DPH6: variants seen among roughly 807,000 people sequenced by gnomAD.
DPH6 encodes the protein diphthamine biosynthesis 6, also known as diphthine--ammonia ligase.
A neutral mutation model predicts 38.2 loss-of-function variants in DPH6; 33 were observed. The ratio of observed to expected loss-of-function variants is 0.86; its 90% CI spans 0.65 to 1.15. The LOEUF (loss-of-function observed/expected upper bound fraction) is 1.15. Among genes scored for constraint, DPH6 ranks in the 50% most tolerant of loss-of-function variants. The pLI is 0.00. For missense variants in DPH6, 325 were observed against 320.0 expected (o/e 1.02, Z -0.12); for synonymous variants, 108 against 103.0 (o/e 1.05, Z -0.30).
At chr15:35,193,392 TTAA>T in the DPH6 span, among the ~76,000 whole-genome samples, 1,451 of 152,128 alleles carry the variant, frequency 9.5e-3, 8 homozygotes, top group African/African-American at 0.021. Context: ...TTTCGATAAA[TTAA>T]TAATATGTAG....
chr15:35,543,347 T>C (rs987443126), intron 1 of DPH6, among the ~76,000 whole-genome samples: 6 of 147,324 alleles, frequency 4.1e-5, no homozygotes, highest in Admixed American at 3.4e-4. Context: ...TAGTAACACA[T>C]TGAAAGGAAC....
chr15:35,263,866 C>T (rs1190793474), intron 3 of DPH6, among the ~76,000 whole-genome samples: 1 of 152,010 alleles, frequency 6.6e-6, no homozygotes, highest in Non-Finnish European at 1.5e-5. Flanking sequence ...CGCCCACCAC[C>T]ACGCCTGGCT....
At chr15:35,193,362 T>G in the DPH6 span, among the ~76,000 whole-genome samples, 1 of 152,108 alleles carries the variant, frequency 6.6e-6, no homozygotes, top group East Asian at 1.9e-4. Context: ...ACATCCAAAC[T>G]TAAAGATGAA....
At chr15:35,172,818 A>G in the DPH6 span, among the ~76,000 whole-genome samples, 1 of 152,104 alleles carries the variant, frequency 6.6e-6, no homozygotes, top group Admixed American at 6.6e-5. Context: ...CAGCCTCCCA[A>G]GTAGTTGGGT....
At chr15:35,290,172 G>T (rs1010169426) in intron 3 of DPH6, among the ~76,000 whole-genome samples, 7 of 152,270 alleles carry the variant, frequency 4.6e-5, no homozygotes, top group Non-Finnish European at 1.0e-4. Flanking sequence ...TTGCATAATT[G>T]GTTTAATGTT....
At chr15:35,188,874 C>CA in the DPH6 span, among the ~76,000 whole-genome samples, 10,451 of 139,242 alleles carry the variant, frequency 0.075, 520 homozygotes, top group East Asian at 0.31. Flanking sequence ...TAGAGTGCCT[C>CA]AAAAAAAAAA....
At chr15:35,221,904 T>C (rs1352338415) in intron 3 of DPH6, among the ~76,000 whole-genome samples, 1 of 152,210 alleles carries the variant, frequency 6.6e-6, no homozygotes, top group African/African-American at 2.4e-5. Flanking sequence ...ACCCTCAATA[T>C]TTTGCTTAGA....
At chr15:35,389,091 G>A (rs553093339) in intron 6 of DPH6, among the ~76,000 whole-genome samples, 30 of 152,188 alleles carry the variant, frequency 2.0e-4, no homozygotes, top group Admixed American at 1.6e-3. Context: ...CCTTCATTTC[G>A]TTATGTACCC....
At chr15:35,230,802 T>C (rs1019259189) in intron 3 of DPH6, among the ~76,000 whole-genome samples, 1 of 152,164 alleles carries the variant, frequency 6.6e-6, no homozygotes, top group African/African-American at 2.4e-5. Flanking sequence ...AGAAATGTCC[T>C]GAAGCTAGGG....
At position 35,267,101 on chromosome 15, in the gene DPH6, T is replaced by C. The variant is rs1027488920; in HGVS notation, n.201-46519A>G. Among the ~76,000 whole-genome samples the C allele has an allele frequency of 5.9e-5, 9 of 151,924 alleles. No individual in the cohort carries two copies. In the South Asian group the frequency reaches 1.9e-3, roughly 32 times the overall value. Reference sequence around the variant, plus strand: ...AGGATAGGATAAATAAAATATATAATCCAAGAAGTGGAAATGTGCATGGAC... The same window carrying C: ...AGGATAGGATAAATAAAATATATAACCCAAGAAGTGGAAATGTGCATGGAC... On this transcript the variant is annotated intron_variant and non_coding_transcript_variant, in intron 3 of 3. Transcript: ENST00000560386.
intron 7 of DPH6, among the ~76,000 whole-genome samples, chr15:35,381,081 T>C (rs1278832690): frequency 1.3e-5 from 2 of 152,186 alleles, no homozygotes; most frequent in African/African-American, 2.4e-5. Flanking sequence ...ATTATTAATA[T>C]GCACAAAGAG....
At chr15:35,276,598 G>A (rs1166663859) in intron 3 of DPH6, among the ~76,000 whole-genome samples, 2 of 152,124 alleles carry the variant, frequency 1.3e-5, no homozygotes, top group African/African-American at 4.8e-5. Flanking sequence ...TCCATATTGT[G>A]TTGATTTTTG....
chr15:35,431,886 C>G (rs1279684229), intron 5 of DPH6, among the ~76,000 whole-genome samples: 1 of 152,088 alleles, frequency 6.6e-6, no homozygotes, highest in African/African-American at 2.4e-5. Flanking sequence ...ATCCCAGGTT[C>G]ACACCATTCT....
At chr15:35,316,263 A>C (rs1276989718) in intron 3 of DPH6, among the ~76,000 whole-genome samples, 1 of 152,204 alleles carries the variant, frequency 6.6e-6, no homozygotes, top group East Asian at 1.9e-4. Flanking sequence ...TGATCTCTAC[A>C]AATTATATGA....
At chr15:35,376,492 T>TTGTA (rs1347275021) in intron 7 of DPH6, among the ~76,000 whole-genome samples, 4 of 152,236 alleles carry the variant, frequency 2.6e-5, no homozygotes, top group African/African-American at 9.6e-5. Context: ...TGTCATAATG[T>TTGTA]TGTAGCACAA....
At chr15:35,521,573 AAATGT>A in intron 3 of DPH6, 1 of 1,226,968 alleles carries the variant, frequency 8.2e-7, no homozygotes, top group Non-Finnish European at 1.0e-6. Flanking sequence ...AACTGTGAGA[AAATGT>A]ATTTGCAATA....
At chr15:35,231,824 G>A (rs1382627186) in intron 3 of DPH6, among the ~76,000 whole-genome samples, 1 of 152,156 alleles carries the variant, frequency 6.6e-6, no homozygotes, top group East Asian at 1.9e-4. Flanking sequence ...GAGGGAGCAA[G>A]AGTGAGGGGA....
chr15:35,499,300 AAGG>A (rs1270405813), intron 3 of DPH6, among the ~76,000 whole-genome samples: 3 of 152,154 alleles, frequency 2.0e-5, no homozygotes, highest in Admixed American at 1.3e-4. Context: ...GAACTTCAGA[AAGG>A]AGGGATTCTT....
At chr15:35,219,785 T>C (rs532032268) in exon 4 of DPH6, 26 of 152,332 alleles carry the variant, frequency 1.7e-4, no homozygotes, top group African/African-American at 5.5e-4. Flanking sequence ...AAAACTACAA[T>C]GCACTGCTCA....
Sources: gnomAD v4.1 joint callset for allele counts (sites outside exome capture counted in the v4.1 genomes callset) on GRCh38, gnomAD v4.1.1 for gene constraint, MANE v1.5 for transcripts, NCBI Gene and HGNC (gene_info 2026-07-23, HGNC 2026-07-21) for gene names.